Variants in SGCZ observed in about 807,000 individuals in gnomAD.
SGCZ encodes zeta-sarcoglycan.
SGCZ carries 40 observed loss-of-function variants against 41.3 expected under a neutral mutation model. That is an observed-to-expected ratio of 0.97 (90% CI 0.75 to 1.26). The LOEUF is 1.26. Among genes scored for constraint, SGCZ ranks in the 50% most tolerant of loss-of-function variants. The probability of loss-of-function intolerance (pLI) is 0.00; values close to 1 mark genes in which losing one functional copy is unlikely to be tolerated. For synonymous variants in SGCZ, 206 were observed against 137.5 expected (o/e 1.50, Z -3.49); for missense variants, 552 against 369.8 (o/e 1.49, Z -4.04).
At chr8:14,091,426 T>C (rs977619454) in intron 7 of SGCZ, among the ~76,000 whole-genome samples, 1 of 152,070 alleles carries the variant, frequency 6.6e-6, no homozygotes, top group African/African-American at 2.4e-5. Context: ...TCTTCCACAA[T>C]GGTTTAACCA....
intron 4 of SGCZ, among the ~76,000 whole-genome samples, chr8:14,223,622 G>C (rs987844249): frequency 6.6e-6 from 1 of 152,046 alleles, no homozygotes; most frequent in Non-Finnish European, 1.5e-5. Flanking sequence ...TCAGTTATTT[G>C]TTAAAGGGAC....
intron 5 of SGCZ, among the ~76,000 whole-genome samples, chr8:14,115,028 T>C (rs776708550): frequency 6.6e-6 from 1 of 151,990 alleles, no homozygotes; most frequent in Non-Finnish European, 1.5e-5. Context: ...ATAATCCATT[T>C]TCTAATTCCT....
At chr8:14,686,324 A>G (rs1563202354) in intron 1 of SGCZ, among the ~76,000 whole-genome samples, 2 of 152,154 alleles carry the variant, frequency 1.3e-5, no homozygotes, top group South Asian at 2.1e-4. Context: ...ACAATATAGT[A>G]ACAAATAAAA....
intron 1 of SGCZ, among the ~76,000 whole-genome samples, chr8:15,138,645 C>A (rs1186280158): frequency 6.6e-6 from 1 of 152,186 alleles, no homozygotes; most frequent in Non-Finnish European, 1.5e-5. Flanking sequence ...ATTCTCTCTC[C>A]TGCCACCCTG....
At chr8:14,201,035 A>G (rs1805438331) in intron 4 of SGCZ, among the ~76,000 whole-genome samples, 1 of 152,170 alleles carries the variant, frequency 6.6e-6, no homozygotes, top group Non-Finnish European at 1.5e-5. Flanking sequence ...AAACACAAAA[A>G]GATGCTCAAT....
At chr8:15,141,159 A>G (rs553508090) in intron 1 of SGCZ, among the ~76,000 whole-genome samples, 2 of 152,348 alleles carry the variant, frequency 1.3e-5, no homozygotes, top group African/African-American at 4.8e-5. Flanking sequence ...AATATTGAGG[A>G]ATTAATTATC....
chr8:14,791,185 A>G (rs1209253017), intron 1 of SGCZ, among the ~76,000 whole-genome samples: 1 of 152,080 alleles, frequency 6.6e-6, no homozygotes, highest in Non-Finnish European at 1.5e-5. Flanking sequence ...TAACTAGAAA[A>G]ATAATTATTT....
intron 4 of SGCZ, among the ~76,000 whole-genome samples, chr8:14,214,335 T>C (rs1010546983): frequency 6.6e-6 from 1 of 152,122 alleles, no homozygotes; most frequent in Non-Finnish European, 1.5e-5. Flanking sequence ...GAGACAAGAC[T>C]ACTAAATGTA....
chr8:14,135,250 T>C (rs764873874), intron 5 of SGCZ, among the ~76,000 whole-genome samples: 1 of 152,224 alleles, frequency 6.6e-6, no homozygotes, highest in Non-Finnish European at 1.5e-5. Context: ...TTTTCACCTG[T>C]GTAACAAAAT....
intron 1 of SGCZ, among the ~76,000 whole-genome samples, chr8:14,675,263 C>G (rs902042287): frequency 4.0e-5 from 6 of 151,790 alleles, no homozygotes; most frequent in Non-Finnish European, 7.4e-5. Context: ...TATAAATTAC[C>G]CAGTCTCAGG....
At chr8:14,749,139 A>G (rs956018256) in intron 1 of SGCZ, among the ~76,000 whole-genome samples, 1 of 152,182 alleles carries the variant, frequency 6.6e-6, no homozygotes, top group East Asian at 1.9e-4. Context: ...AAAAATGCTC[A>G]TCCCATAAAA....
At chr8:14,427,762 T>C (rs1394899805) in intron 2 of SGCZ, among the ~76,000 whole-genome samples, 1 of 152,132 alleles carries the variant, frequency 6.6e-6, no homozygotes, top group Non-Finnish European at 1.5e-5. Flanking sequence ...AGGCTGAACC[T>C]GGCCACATGA....
chr8:14,628,708 T>C (rs1806544692), intron 1 of SGCZ, among the ~76,000 whole-genome samples: 1 of 152,142 alleles, frequency 6.6e-6, no homozygotes, highest in African/African-American at 2.4e-5. Flanking sequence ...ATCAAACTGC[T>C]TTTCATTTTG....
chr8:14,399,475 A>T (rs1396161699), intron 2 of SGCZ, among the ~76,000 whole-genome samples: 2 of 152,022 alleles, frequency 1.3e-5, no homozygotes, highest in Non-Finnish European at 2.9e-5. Flanking sequence ...TGATTTATTT[A>T]TGCCTGGATA....
chr8:14,915,354 A>G (rs1799401371), intron 1 of SGCZ, among the ~76,000 whole-genome samples: 4 of 152,154 alleles, frequency 2.6e-5, no homozygotes, highest in Middle Eastern at 3.2e-3. Context: ...CTTAGGGAGA[A>G]AGTAAGGGAC....
chr8:14,186,591 G>C (rs1282846184), intron 4 of SGCZ, among the ~76,000 whole-genome samples: 1 of 152,154 alleles, frequency 6.6e-6, no homozygotes, highest in East Asian at 1.9e-4. Context: ...CCTAAGCAGA[G>C]ATTTTACTGA....
intron 1 of SGCZ, among the ~76,000 whole-genome samples, chr8:14,860,312 C>T (rs1803679408): frequency 6.6e-6 from 1 of 151,818 alleles, no homozygotes; most frequent in African/African-American, 2.4e-5. Flanking sequence ...TTGACGCTAA[C>T]TACATTTTAC....
At chr8:15,000,144 T>C (rs1433867106) in intron 1 of SGCZ, among the ~76,000 whole-genome samples, 1 of 152,052 alleles carries the variant, frequency 6.6e-6, no homozygotes, top group African/African-American at 2.4e-5. Context: ...AAAAATCATA[T>C]GATGGGACGG....
At chr8:14,803,657 C>T (rs1449352412) in intron 1 of SGCZ, among the ~76,000 whole-genome samples, 6 of 151,942 alleles carry the variant, frequency 3.9e-5, no homozygotes, top group African/African-American at 7.3e-5. Context: ...GGGGGAGGGG[C>T]GCCCGCCATT....
Sources: gnomAD v4.1 joint callset for allele counts (sites outside exome capture counted in the v4.1 genomes callset) on GRCh38, gnomAD v4.1.1 for gene constraint, MANE v1.5 for transcripts, NCBI Gene and HGNC (gene_info 2026-07-23, HGNC 2026-07-21) for gene names.